Variants in HIPK2 observed in about 807,000 individuals in gnomAD.
HIPK2 encodes the protein homeodomain interacting protein kinase 2, also known as homeodomain-interacting protein kinase 2.
HIPK2 carries 27 observed loss-of-function variants against 113.7 expected under a neutral mutation model. The observed-to-expected ratio is 0.24, with a 90% CI of 0.17 to 0.33. The LOEUF (loss-of-function observed/expected upper bound fraction) is 0.33, where lower values mean the gene tolerates loss of function less well. HIPK2 is among the 10% of genes least tolerant of loss of function. HIPK2 has a pLI of 1.00. For missense variants in HIPK2, 1,257 were observed against 1,588.0 expected, an observed-to-expected ratio of 0.79 and a Z score of 3.54; for synonymous variants, 631 against 642.2, an observed-to-expected ratio of 0.98 and a Z score of 0.26.
At position 139,573,371 on chromosome 7, in the gene HIPK2, G is replaced by T. The variant is rs751936946; in HGVS notation, c.3153C>A (p.Arg1051=). 1 of 1,604,346 alleles carries T rather than the reference G, an allele frequency of 6.2e-7. No individual in the cohort carries two copies. Among genetic ancestry groups the T allele is most frequent in the South Asian group, 1.1e-5 (1 of 91,038 alleles). ...CCTGCTGCCTTCGGTGGCTCCCAGT[G>T]CGGTCCGTGGTGATGTGCTGCTGAG... ...SQAQQHITTD[R]TGSHRRQQAY... The change falls in exon 15 of 15, where the codon CGC becomes CGA. Residue 1051 remains arginine, a synonymous_variant. Transcript: ENST00000406875.
At chr7:139,597,909 C>T (rs10235728) in intron 11 of HIPK2, among the ~76,000 whole-genome samples, 1,567 of 152,148 alleles carry the variant, frequency 0.01, 28 homozygotes, top group African/African-American at 0.035. Flanking sequence ...AGAAGTGTTT[C>T]GGATTTTTGT....
At chr7:139,729,797 T>A (rs1795716289) in intron 1 of HIPK2, among the ~76,000 whole-genome samples, 1 of 152,196 alleles carries the variant, frequency 6.6e-6, no homozygotes. Context: ...GCTTACCTTG[T>A]CCCTGAAATG....
intron 1 of HIPK2, among the ~76,000 whole-genome samples, chr7:139,750,016 G>A (rs935682772): frequency 5.3e-5 from 8 of 152,086 alleles, no homozygotes; most frequent in African/African-American, 1.7e-4. Context: ...CCAACCTCCC[G>A]TCCAGACCTG....
rs754600731 is a variant in HIPK2, at chr7:139,573,200, C to T, written c.3324G>A (p.Pro1108=). The T allele has an allele frequency of 4.9e-5, 77 of 1,575,420 alleles. No individual in the cohort carries two copies. The highest frequency in any genetic ancestry group is 7.1e-5 in the East Asian group (3 of 42,438). The change falls in exon 15 of 15, where the codon CCG becomes CCA. Residue 1108 remains proline, a synonymous_variant. Transcript: ENST00000406875. ...CGGTGCCGGTGGAGCCCAGGGCCGC[C>T]GGCGCAGTGTAGGTGTAGAGGTGGG... ...TQPHLYTYTA[P]AALGSTGTVA...
chr7:139,645,210 C>T (rs1801165673), intron 2 of HIPK2, among the ~76,000 whole-genome samples: 1 of 152,184 alleles, frequency 6.6e-6, no homozygotes, highest in South Asian at 2.1e-4. Flanking sequence ...TATTTTCTTT[C>T]CTTACAGCAC....
chr7:139,634,189 C>G (rs1328074825), intron 2 of HIPK2, among the ~76,000 whole-genome samples: 1 of 152,060 alleles, frequency 6.6e-6, no homozygotes, highest in Non-Finnish European at 1.5e-5. Flanking sequence ...TTCTAGAGTA[C>G]CAGTCACACT....
chr7:139,739,768 G>A (rs182232623), intron 1 of HIPK2, among the ~76,000 whole-genome samples: 25 of 152,082 alleles, frequency 1.6e-4, no homozygotes, highest in Non-Finnish European at 2.2e-4. Context: ...CTATCTCTGC[G>A]GACTTGCCTG....
rs1798328072 is a variant in HIPK2 at position 139,572,764 on chromosome 7, G to GCCCCCCTCCCCCCC, written c.*162_*163insGGGGGGGAGGGGGG. 3.4e-5 allele frequency: 1 copy of GCCCCCCTCCCCCCC among 29,326 alleles called. No individual in the cohort carries two copies. The highest frequency in any genetic ancestry group is 6.4e-5 in the Non-Finnish European group (1 of 15,562). 1.8% of individuals were successfully genotyped at this position (29,326 alleles called of 1,614,324 possible). On this transcript the variant is annotated 3_prime_UTR_variant, in exon 15 of 15. Transcript: ENST00000406875. The stretch of plus-strand genomic sequence containing the variant: ...GTCCCGACCCGTCCCCCTGCCCTCT[G>GCCCCCCTCCCCCCC]CCCCCCCCCCCCCCCCCGCCCCTGC...
chr7:139,633,300 C>T (rs536684058), intron 2 of HIPK2, among the ~76,000 whole-genome samples: 4 of 151,950 alleles, frequency 2.6e-5, no homozygotes, highest in Non-Finnish European at 5.9e-5. Flanking sequence ...ACCTTTCACA[C>T]ACCTAGCATG....
intron 1 of HIPK2, chr7:139,722,021 C>CT (rs1325982913): frequency 4.2e-6 from 2 of 474,628 alleles, no homozygotes; most frequent in South Asian, 3.1e-5. Flanking sequence ...CCATACCACT[C>CT]TGTCTCATAA....
At chr7:139,757,718 C>G (rs1796385741) in intron 1 of HIPK2, among the ~76,000 whole-genome samples, 1 of 152,086 alleles carries the variant, frequency 6.6e-6, no homozygotes. Context: ...GGAATGACTG[C>G]TAATGGGTAC....
At chr7:139,747,095 G>T (rs1339931711) in intron 1 of HIPK2, among the ~76,000 whole-genome samples, 1 of 152,178 alleles carries the variant, frequency 6.6e-6, no homozygotes, top group Non-Finnish European at 1.5e-5. Context: ...CCTTTTCGGT[G>T]TGAAACTGCA....
In HIPK2 at chr7:139,566,924, C is replaced by G. The variant is rs1346273629; in HGVS notation, c.*6003G>C. ...CTGGTGTTCTGGGACGGGAGCCCTG[C>G]AGGGGGCACTTCTCTGCAAACTCTC... On this transcript the variant is annotated 3_prime_UTR_variant, in exon 15 of 15. Coordinates refer to ENST00000406875, the MANE Select transcript of HIPK2 (RefSeq NM_022740.5). The surrounding 1 kb of genome is among the most constrained non-coding windows in gnomAD (Gnocchi z 4.1). 6.6e-6 allele frequency: 1 copy of G among 152,202 alleles called. No individual in the cohort carries two copies. Among genetic ancestry groups the G allele is most frequent in the Non-Finnish European group, 1.5e-5 (1 of 68,046 alleles). The allele number at this position is 152,202 out of a possible 1,614,324, so 9.4% of individuals were successfully genotyped here.
At chr7:139,607,645 T>C (rs1474555349) in intron 9 of HIPK2, among the ~76,000 whole-genome samples, 1 of 152,156 alleles carries the variant, frequency 6.6e-6, no homozygotes, top group African/African-American at 2.4e-5. Context: ...AATCACAGTA[T>C]ATTATAAGGC....
chr7:139,728,591 T>C (rs1191174456), intron 1 of HIPK2, among the ~76,000 whole-genome samples: 3 of 152,218 alleles, frequency 2.0e-5, no homozygotes, highest in South Asian at 4.1e-4. Context: ...ATGACCTCAC[T>C]TTAACCTGAT....
chr7:139,769,072 C>G (rs2117169038), intron 1 of HIPK2, among the ~76,000 whole-genome samples: 1 of 152,352 alleles, frequency 6.6e-6, no homozygotes, highest in Non-Finnish European at 1.5e-5. Context: ...AACAGAACAT[C>G]ATGGTATTGC....
At chr7:139,624,365 C>T (rs546882573) in intron 6 of HIPK2, among the ~76,000 whole-genome samples, 9 of 152,230 alleles carry the variant, frequency 5.9e-5, no homozygotes, top group Non-Finnish European at 1.2e-4. Flanking sequence ...AGGCCTTTGC[C>T]ACTGGCTGGA....
intron 12 of HIPK2, among the ~76,000 whole-genome samples, chr7:139,591,897 G>C (rs893879575): frequency 6.6e-6 from 1 of 152,242 alleles, no homozygotes; most frequent in African/African-American, 2.4e-5. Context: ...CCAATGGCAG[G>C]ATGGAGCAAG....
rs548121225 is a variant in HIPK2, at chr7:139,600,717, C to T, written c.2256-121G>A. On this transcript the variant is annotated intron_variant, in intron 10 of 14. Coordinates refer to ENST00000406875, the MANE Select transcript of HIPK2 (RefSeq NM_022740.5). ...GCAGTTGGTTATCTCACTAGCTGTG[C>T]AGCTGCTGAAGGGATGAGCCTGGCC... 89 of 1,139,956 alleles carry T rather than the reference C, an allele frequency of 7.8e-5. 3 individuals are homozygous for T. In the South Asian group the frequency reaches 1.3e-3, roughly 16 times the overall value. 70.6% of individuals were successfully genotyped at this position (1,139,956 alleles called of 1,614,324 possible). A position where few individuals can be genotyped will look rare whatever the true frequency, so the allele number is the denominator to read the frequency against.
Sources: allele counts gnomAD v4.1 joint callset (sites outside exome capture counted in the v4.1 genomes callset), GRCh38; gene constraint gnomAD v4.1.1; non-coding constraint Gnocchi (gnomAD v3.1); transcripts MANE v1.5; gene names NCBI Gene and HGNC (gene_info 2026-07-23, HGNC 2026-07-21).